CDK14: variants seen among roughly 807,000 people sequenced by gnomAD.
CDK14 encodes cyclin dependent kinase 14.
In CDK14, 34 loss-of-function variants were observed where a neutral mutation model predicts 60.7. The ratio of observed to expected loss-of-function variants is 0.56; its 90% CI spans 0.43 to 0.75. CDK14 has a LOEUF of 0.75. Among genes scored for constraint, CDK14 ranks in the 30% least tolerant of loss-of-function variants. The pLI, the probability that CDK14 is intolerant of heterozygous loss-of-function variation, is 0.00. For missense variants in CDK14, 482 were observed against 564.1 expected, an observed-to-expected ratio of 0.85 and a Z score of 1.47; for synonymous variants, 197 against 203.7, an observed-to-expected ratio of 0.97 and a Z score of 0.28.
chr7:90,856,642 C>A (rs1239254301), intron 5 of CDK14, among the ~76,000 whole-genome samples: 1 of 152,218 alleles, frequency 6.6e-6, no homozygotes, highest in Middle Eastern at 3.2e-3. Context: ...CTCTTTTGTG[C>A]ATGCAATTTT....
chr7:90,933,228 C>T (rs960956030), intron 8 of CDK14, among the ~76,000 whole-genome samples: 1 of 149,402 alleles, frequency 6.7e-6, no homozygotes, highest in Non-Finnish European at 1.5e-5. Flanking sequence ...TGCAGTGAGC[C>T]ATGATCTTGC....
chr7:91,169,365 T>C (rs1801444039), intron 14 of CDK14, among the ~76,000 whole-genome samples: 1 of 152,214 alleles, frequency 6.6e-6, no homozygotes, highest in Admixed American at 6.5e-5. Flanking sequence ...GACAGCTGCC[T>C]GCCATGTGTA....
chr7:90,660,441 G>A (rs10277558), intron 2 of CDK14, among the ~76,000 whole-genome samples: 46,415 of 151,962 alleles, frequency 0.31, 7,975 homozygotes, highest in East Asian at 0.67. Flanking sequence ...TAGCTTTGCT[G>A]TAGAGATTGA....
chr7:90,980,226 A>G (rs950669083), intron 9 of CDK14, among the ~76,000 whole-genome samples: 3 of 152,176 alleles, frequency 2.0e-5, no homozygotes, highest in Admixed American at 6.6e-5. Context: ...TAATCCTAAA[A>G]TAAGAGTTTG....
intron 11 of CDK14, among the ~76,000 whole-genome samples, chr7:91,071,221 G>A (rs1798134811): frequency 6.6e-6 from 1 of 152,334 alleles, no homozygotes; most frequent in African/African-American, 2.4e-5. Flanking sequence ...AAAGCCAAAA[G>A]AAAAAGAATA....
intron 10 of CDK14, among the ~76,000 whole-genome samples, chr7:91,016,053 A>C (rs949323455): frequency 5.3e-5 from 8 of 152,144 alleles, no homozygotes; most frequent in Admixed American, 1.3e-4. Context: ...AGCAATGCCT[A>C]TATGAACCAT....
intron 14 of CDK14, among the ~76,000 whole-genome samples, chr7:91,164,832 A>G (rs1296732077): frequency 3.3e-5 from 5 of 152,204 alleles, no homozygotes; most frequent in African/African-American, 1.2e-4. Flanking sequence ...GAAGAAATCC[A>G]AGATAAATTT....
chr7:90,982,565 C>T (rs1313087258), intron 9 of CDK14, among the ~76,000 whole-genome samples: 1 of 152,138 alleles, frequency 6.6e-6, no homozygotes, highest in East Asian at 1.9e-4. Flanking sequence ...TTGAGAACCA[C>T]TGAATGTCTA....
intron 11 of CDK14, among the ~76,000 whole-genome samples, chr7:91,051,038 A>G (rs762993775): frequency 6.6e-6 from 1 of 152,220 alleles, no homozygotes; most frequent in South Asian, 2.1e-4. Flanking sequence ...TGGCAATTAG[A>G]CTATTTTAAA....
intron 5 of CDK14, among the ~76,000 whole-genome samples, chr7:90,862,952 C>T (rs540625387): frequency 3.3e-5 from 5 of 152,142 alleles, no homozygotes; most frequent in Admixed American, 2.6e-4. Flanking sequence ...GGCTGAAGAA[C>T]GAGGATCACT....
chr7:90,766,113 G>A (rs913139578), intron 4 of CDK14, among the ~76,000 whole-genome samples: 2 of 151,336 alleles, frequency 1.3e-5, no homozygotes, highest in Non-Finnish European at 2.9e-5. Context: ...GTACATCATG[G>A]AACTCTCTGT....
intron 2 of CDK14, among the ~76,000 whole-genome samples, chr7:90,623,133 C>T (rs1799808576): frequency 6.6e-6 from 1 of 151,186 alleles, no homozygotes; most frequent in Admixed American, 6.6e-5. Flanking sequence ...TTGTCTTTGT[C>T]TTCCGTAATC....
chr7:91,015,035 A>G (rs1353479075), intron 10 of CDK14, among the ~76,000 whole-genome samples: 3 of 152,040 alleles, frequency 2.0e-5, no homozygotes, highest in Non-Finnish European at 2.9e-5. Context: ...ATAGGAGTCT[A>G]TCTATCTTTA....
intron 10 of CDK14, among the ~76,000 whole-genome samples, chr7:91,008,127 C>CAAAAAAAAAAAAAAAAAAAAAAAA (rs56082719): frequency 1.6e-5 from 1 of 62,596 alleles, no homozygotes; most frequent in African/African-American, 6.0e-5. Context: ...GGGAGAAGGC[C>CAAAAAAAAAAAAAAAAAAAAAAAA]AAAAAAAAAA....
intron 6 of CDK14, among the ~76,000 whole-genome samples, chr7:90,882,662 GC>G (rs1196929620): frequency 6.6e-6 from 1 of 152,118 alleles, no homozygotes; most frequent in African/African-American, 2.4e-5. Flanking sequence ...GTGCCACATG[GC>G]ACTTACTCTA....
chr7:91,153,102 A>G (rs1296724537), intron 14 of CDK14, among the ~76,000 whole-genome samples: 1 of 152,186 alleles, frequency 6.6e-6, no homozygotes, highest in Non-Finnish European at 1.5e-5. Context: ...GGAGACTGGC[A>G]TGGCAGGGGT....
rs1801997194 is a variant in CDK14 at position 90,709,836 on chromosome 7, T to C, written c.124-16731T>C. ...TGTAGTACGGCCGTACCATTTCAGC[T>C]TGCTAGTGCAGAAAGATGTGAATTC... On this transcript the variant is annotated intron_variant, in intron 2 of 14. Coordinates refer to ENST00000380050, the MANE Select transcript of CDK14 (RefSeq NM_001287135.2). The C allele has an allele frequency of 2.1e-6, 3 of 1,401,642 alleles. No homozygotes were observed. In the East Asian group the frequency reaches 8.3e-5, roughly 39 times the overall value. The allele number at this position is 1,401,642 out of a possible 1,614,324, so 86.8% of individuals were successfully genotyped here.
intron 1 of CDK14, among the ~76,000 whole-genome samples, chr7:90,603,483 T>TAG (rs1024109200): frequency 1.2e-4 from 19 of 152,212 alleles, no homozygotes; most frequent in African/African-American, 4.6e-4. Flanking sequence ...CTATACCATA[T>TAG]AGCCTAGGTG....
chr7:91,076,394 T>C (rs1459980112), intron 11 of CDK14, among the ~76,000 whole-genome samples: 3 of 151,778 alleles, frequency 2.0e-5, no homozygotes, highest in Non-Finnish European at 2.9e-5. Context: ...AAACAAGCTA[T>C]GGGAAAAGGA....
Sources: gnomAD v4.1 joint callset for allele counts (sites outside exome capture counted in the v4.1 genomes callset) on GRCh38, gnomAD v4.1.1 for gene constraint, MANE v1.5 for transcripts, NCBI Gene and HGNC (gene_info 2026-07-23, HGNC 2026-07-21) for gene names.